RAB40B: variants seen among roughly 807,000 people sequenced by gnomAD.
RAB40B encodes the protein RAB40B, member RAS oncogene family.
Under a neutral mutation model 24.0 loss-of-function variants are expected in RAB40B, and 21 were observed. The observed-to-expected ratio is 0.88, with a 90% CI of 0.62 to 1.26. The LOEUF is 1.26. Among genes scored for constraint, RAB40B ranks in the 50% most tolerant of loss-of-function variants. The pLI is 0.00. For synonymous variants in RAB40B, 167 were observed against 169.8 expected (o/e 0.98, Z 0.13); for missense variants, 348 against 390.5 (o/e 0.89, Z 0.92).
intron 1 of RAB40B, among the ~76,000 whole-genome samples, chr17:82,673,435 C>T (rs534345880): frequency 5.0e-4 from 67 of 134,912 alleles, no homozygotes; most frequent in African/African-American, 1.8e-3. Flanking sequence ...CACTCCCTTA[C>T]TGCTGGATTC....
In RAB40B at chr17:82,698,607, C is replaced by G; in HGVS notation, c.-11G>C. 6.2e-6 allele frequency: 9 copies of G among 1,443,502 alleles called. No individual in the cohort carries two copies. Among genetic ancestry groups the G allele is most frequent in the Non-Finnish European group, 6.5e-6 (7 of 1,082,414 alleles). The allele number at this position is 1,443,502 out of a possible 1,614,324, so 89.4% of individuals were successfully genotyped here. A position where few individuals can be genotyped will look rare whatever the true frequency, so the allele number is the denominator to read the frequency against. ...GCCCAGGGCGCTCATCGTGACGGCC[C>G]GGCGCCCCCACCCATGCCCGGCCTG... On this transcript the variant is annotated 5_prime_UTR_variant, in exon 1 of 6. Transcript: ENST00000571995.
rs1041655120 is a variant in RAB40B at position 82,662,183 on chromosome 17, C to T, written c.204-1136G>A. 1.5e-5 allele frequency: 15 copies of T among 985,322 alleles called. No individual in the cohort carries two copies. The African/African-American group carries it at 2.6e-4, about 17-fold the overall frequency. The allele number at this position is 985,322 out of a possible 1,614,324, so 61.0% of individuals were successfully genotyped here. On this transcript the variant is annotated intron_variant, in intron 2 of 5. Transcript: ENST00000571995. ...CACGAGAGAGAAGGGCCTGGGGCTC[C>T]AGAGGGGACCAGCGACACTGGCCAT...
chr17:82,678,254 G>C (rs751137154), intron 1 of RAB40B, among the ~76,000 whole-genome samples: 2 of 152,082 alleles, frequency 1.3e-5, no homozygotes, highest in African/African-American at 4.8e-5. Flanking sequence ...CAGTGTTAGC[G>C]TTAGGATAAT....
chr17:82,689,061 T>C (rs1388021726), intron 1 of RAB40B, among the ~76,000 whole-genome samples: 2 of 152,264 alleles, frequency 1.3e-5, no homozygotes, highest in African/African-American at 2.4e-5. Flanking sequence ...TGAAGAATCC[T>C]GGGAATAAAG....
chr17:82,684,366 A>T (rs2046476278), intron 1 of RAB40B, among the ~76,000 whole-genome samples: 1 of 152,190 alleles, frequency 6.6e-6, no homozygotes, highest in South Asian at 2.1e-4. Flanking sequence ...CAGTGTGGAA[A>T]AGGGTTTGGC....
intron 1 of RAB40B, among the ~76,000 whole-genome samples, chr17:82,690,338 CAG>C (rs947713210): frequency 7.2e-6 from 1 of 139,798 alleles, no homozygotes; most frequent in Non-Finnish European, 1.5e-5. Context: ...TTCCTGGGAG[CAG>C]AGAGTGTGTA....
intron 1 of RAB40B, among the ~76,000 whole-genome samples, chr17:82,669,888 A>T (rs1255901070): frequency 6.6e-6 from 1 of 152,250 alleles, no homozygotes; most frequent in South Asian, 2.1e-4. Context: ...ACAATAAATT[A>T]AAAAAGAACA....
chr17:82,658,440 C>T, intron 5 of RAB40B, 51 bp downstream of exon 5: 2 of 1,592,810 alleles, frequency 1.3e-6, no homozygotes, highest in Non-Finnish European at 1.7e-6. Flanking sequence ...CGCTGACCCA[C>T]CTCGGCATCT....
rs1185348533 is a variant in RAB40B at position 82,659,641 on chromosome 17, T to TAGACC, written c.276_280dup (p.Tyr94TrpfsTer59). 1.2e-6 allele frequency: 2 copies of TAGACC among 1,614,030 alleles called. No homozygotes were observed. Among genetic ancestry groups the TAGACC allele is most frequent in the East Asian group, 4.5e-5 (2 of 44,900 alleles). On this transcript the variant is annotated frameshift_variant, in exon 4 of 6. Transcript: ENST00000571995. LOFTEE classifies it high-confidence loss of function. Reference sequence around the variant, plus strand: ...AAAAGACCAGCGGTTCGCAATGTCATAGACCAGGATCACACCCTGGGGGAG... The same window carrying TAGACC: ...AAAAGACCAGCGGTTCGCAATGTCATAGACCAGACCAGGATCACACCCTGGGGGAG...
Position 82,698,629 on chromosome 17 carries a change from C to T in RAB40B, c.-33G>A. ...GCCCGGCGCCCCCACCCATGCCCGG[C>T]CTGCGGGGCTGAGCGCAGAGGCGGC... On this transcript the variant is annotated 5_prime_UTR_variant, in exon 1 of 6. Coordinates refer to ENST00000571995, the MANE Select transcript of RAB40B (RefSeq NM_006822.3). 1.5e-6 allele frequency: 2 copies of T among 1,375,250 alleles called. No individual in the cohort carries two copies. The highest frequency in any genetic ancestry group is 1.9e-6 in the Non-Finnish European group (2 of 1,046,712). 85.2% of individuals were successfully genotyped at this position (1,375,250 alleles called of 1,614,324 possible). A position where few individuals can be genotyped will look rare whatever the true frequency, so the allele number is the denominator to read the frequency against.
rs1335882363 is a variant in RAB40B, at chr17:82,667,454, A to G, written c.143-2898T>C. ...TGAGCACACCTGTGCAGCGCCTTCC[A>G]TGAGATCCCGAGCACCCCTCCCTCC... On this transcript the variant is annotated intron_variant, in intron 1 of 5. Coordinates refer to ENST00000571995, the MANE Select transcript of RAB40B (RefSeq NM_006822.3). The surrounding 1 kb of genome is among the most constrained non-coding windows in gnomAD (Gnocchi z 4.3). Among the ~76,000 whole-genome samples the G allele has an allele frequency of 1.3e-5, 2 of 152,112 alleles. No homozygotes were observed. Among genetic ancestry groups the G allele is most frequent in the Non-Finnish European group, 2.9e-5 (2 of 68,012 alleles).
chr17:82,659,090 G>T, intron 4 of RAB40B: 1 of 266,102 alleles, frequency 3.8e-6, no homozygotes, highest in Non-Finnish European at 7.2e-6. Context: ...CCTTGGTTTT[G>T]GGCTCTGGCC....
At position 82,667,437 on chromosome 17, in the gene RAB40B, C is replaced by T. The variant is rs2046271742; in HGVS notation, c.143-2881G>A. On this transcript the variant is annotated intron_variant, in intron 1 of 5. Coordinates refer to ENST00000571995, the MANE Select transcript of RAB40B (RefSeq NM_006822.3). The surrounding 1 kb of genome is among the most constrained non-coding windows in gnomAD (Gnocchi z 4.3). ...GGCACACCTGCCTGATCTGAGCACA[C>T]CTGTGCAGCGCCTTCCATGAGATCC... 1.5e-5 allele frequency among the ~76,000 whole-genome samples: 1 copy of T among 65,010 alleles called. No homozygotes were observed. Among genetic ancestry groups the T allele is most frequent in the Non-Finnish European group, 3.3e-5 (1 of 30,032 alleles). The allele number at this position is 65,010 out of a possible 152,430, so 42.6% of individuals were successfully genotyped here.
At chr17:82,685,916 A>G (rs1364595377) in intron 1 of RAB40B, among the ~76,000 whole-genome samples, 7 of 149,428 alleles carry the variant, frequency 4.7e-5, no homozygotes, top group East Asian at 3.9e-4. Flanking sequence ...CGATTCTCCT[A>G]CCTCAGCCTC....
intron 1 of RAB40B, among the ~76,000 whole-genome samples, chr17:82,685,341 A>G (rs1568043215): frequency 6.6e-6 from 1 of 151,742 alleles, no homozygotes; most frequent in Admixed American, 6.6e-5. Context: ...AGTGGTCCTC[A>G]ACTGTGGCCG....
chr17:82,672,770 T>G (rs551916334), intron 1 of RAB40B, among the ~76,000 whole-genome samples: 1 of 152,370 alleles, frequency 6.6e-6, no homozygotes, highest in South Asian at 2.1e-4. Flanking sequence ...ATTTTCTTTA[T>G]AAATTACCCA....
At chr17:82,670,090 C>A (rs2046314242) in intron 1 of RAB40B, among the ~76,000 whole-genome samples, 1 of 151,576 alleles carries the variant, frequency 6.6e-6, no homozygotes, top group Admixed American at 6.6e-5. Flanking sequence ...TCATATTTGT[C>A]TTTCCGGAGA....
intron 1 of RAB40B, among the ~76,000 whole-genome samples, chr17:82,695,580 C>T (rs902671405): frequency 4.0e-5 from 6 of 150,276 alleles, no homozygotes; most frequent in Admixed American, 3.3e-4. Context: ...TGCTGTGGCT[C>T]AGGCCTATAA....
chr17:82,681,700 T>TA (rs1260290701), intron 1 of RAB40B, among the ~76,000 whole-genome samples: 5 of 152,188 alleles, frequency 3.3e-5, no homozygotes, highest in African/African-American at 1.2e-4. Context: ...GGCAATCTAT[T>TA]ATTGTAGGAA....
Sources: allele counts gnomAD v4.1 joint callset (sites outside exome capture counted in the v4.1 genomes callset), GRCh38; gene constraint gnomAD v4.1.1; non-coding constraint Gnocchi (gnomAD v3.1); transcripts MANE v1.5; gene names NCBI Gene and HGNC (gene_info 2026-07-23, HGNC 2026-07-21).